The following PCID2 variants were observed in gnomAD, a reference collection of about 807,000 sequenced individuals.
PCID2 encodes PCI domain containing 2.
PCID2 carries 41 observed loss-of-function variants against 61.3 expected under a neutral mutation model. The ratio of observed to expected loss-of-function variants is 0.67; its 90% CI spans 0.52 to 0.87. PCID2 has a LOEUF of 0.87. Ranked by LOEUF, PCID2 falls within the 40% of genes least tolerant of loss-of-function variation. PCID2 has a pLI of 0.00. For missense variants in PCID2, 392 were observed against 493.4 expected (o/e 0.79, Z 1.95); for synonymous variants, 187 against 177.8 (o/e 1.05, Z -0.41).
At chr13:113,206,474 G>C (rs1308375640) in intron 1 of PCID2, among the ~76,000 whole-genome samples, 1 of 152,148 alleles carries the variant, frequency 6.6e-6, no homozygotes. Context: ...ATCCAATTAG[G>C]TAAAGGACTA....
chr13:113,187,724 T>C (rs1055985535), intron 7 of PCID2: 2 of 152,238 alleles, frequency 1.3e-5, no homozygotes, highest in Non-Finnish European at 2.9e-5. Flanking sequence ...TGAATTGTAA[T>C]AATTCTTTAT....
At chr13:113,175,693 G>C (rs1365852475), downstream of PCID2, among the ~76,000 whole-genome samples, 1 of 152,238 alleles carries the variant, frequency 6.6e-6, no homozygotes, top group Non-Finnish European at 1.5e-5. Flanking sequence ...TGCTGCTGGG[G>C]AGCAGCTACG....
Position 113,198,197 on chromosome 13 carries a change from T to A in PCID2, c.194A>T (p.His65Leu). The A allele has an allele frequency of 6.2e-7, 1 of 1,600,302 alleles. No individual in the cohort carries two copies. Among genetic ancestry groups the A allele is most frequent in the Non-Finnish European group, 8.5e-7 (1 of 1,172,052 alleles). The part of the protein sequence containing the change: ...EPPYDEMFAA[H>L]LRCTYAVGNH... ...TTCCTCCCCAACAGATTACCTTAAA[T>A]GAGCTGCAAACATTTCATCATAAGG... The change falls in exon 3 of 14, where the codon CAT becomes CTT. Residue 65 changes from histidine (H) to leucine (L), a missense_variant. Transcript: ENST00000337344.
chr13:113,190,206 C>A (rs2038489458), intron 7 of PCID2, among the ~76,000 whole-genome samples: 1 of 146,304 alleles, frequency 6.8e-6, no homozygotes, highest in Admixed American at 6.9e-5. Flanking sequence ...ACAGGAAGCC[C>A]AATGAACCCT....
chr13:113,165,600 G>A, the PCID2 span, among the ~76,000 whole-genome samples: 7 of 152,120 alleles, frequency 4.6e-5, no homozygotes, highest in East Asian at 1.9e-4. Context: ...GTCCAGTCCC[G>A]GCTCACTGCA....
Position 113,179,887 on chromosome 13 carries a change from G to A in PCID2, c.986+30C>T, listed in dbSNP as rs781112883. Reference sequence around the variant, plus strand: ...TGACTGCTCTGCCGAGAGCCACACTGGGAGCCCAATGTGCCGGGGAAATGC... The same window carrying A: ...TGACTGCTCTGCCGAGAGCCACACTAGGAGCCCAATGTGCCGGGGAAATGC... On this transcript the variant is annotated intron_variant, in intron 12 of 13. Coordinates refer to ENST00000337344, the MANE Select transcript of PCID2 (RefSeq NM_001127202.4). This position sits in a 1 kb window ranked among gnomAD's most constrained non-coding sequence, Gnocchi z 4.3. 1 of 1,600,920 alleles carries A rather than the reference G, an allele frequency of 6.2e-7. No homozygotes were observed. Among genetic ancestry groups the A allele is most frequent in the Admixed American group, 1.7e-5 (1 of 58,470 alleles).
At chr13:113,174,766 G>A (rs1483077709), downstream of PCID2, among the ~76,000 whole-genome samples, 1 of 152,200 alleles carries the variant, frequency 6.6e-6, no homozygotes, top group African/African-American at 2.4e-5. Context: ...TCATAAATGT[G>A]AGCCACCACG....
chr13:113,208,183 G>A lies in PCID2; in HGVS notation c.36+416C>T, dbSNP rs574263584. ...GCGCTTACTCCTCCATCGCCTCCTG[G>A]AGTCCCCGAATTCATCCCGCATCCT... On this transcript the variant is annotated intron_variant, in intron 1 of 13. Coordinates refer to ENST00000337344, the MANE Select transcript of PCID2 (RefSeq NM_001127202.4). The A allele has an allele frequency of 3.8e-6, 6 of 1,575,274 alleles. No homozygotes were observed. In the Admixed American group the frequency reaches 1.0e-4, roughly 27 times the overall value.
At chr13:113,187,274 C>T (rs2038201194) in intron 7 of PCID2, 1 of 152,220 alleles carries the variant, frequency 6.6e-6, no homozygotes, top group Non-Finnish European at 1.5e-5. Flanking sequence ...GAGACTGTGA[C>T]AAAAGCAAAC....
intron 1 of PCID2, among the ~76,000 whole-genome samples, chr13:113,204,511 T>C (rs2039658543): frequency 6.6e-6 from 1 of 152,074 alleles, no homozygotes; most frequent in African/African-American, 2.4e-5. Flanking sequence ...CCTCCCAGGG[T>C]GGTCCCTGCA....
At chr13:113,185,668 C>G (rs1403867826) in intron 7 of PCID2, 108 bp from the exon 8 acceptor site, 1 of 681,782 alleles carries the variant, frequency 1.5e-6, no homozygotes, top group Admixed American at 2.6e-5. Context: ...AGTCCCAAAG[C>G]TCAAGTCATA....
At position 113,190,960 on chromosome 13, in the gene PCID2, C is replaced by G. The variant is rs1007468287; in HGVS notation, c.379G>C (p.Val127Leu). ...CCAACTTTGCTTTTTCCTTTCTTTA[C>G]CAACTGTTGATCTGCCTAATAAAAT... is the stretch of plus-strand genomic sequence containing the variant. ...VFANNADQQL[V>L]KKGKSKVGDM... The change falls in exon 7 of 14, where the codon GTA (valine) becomes CTA (leucine). Residue 127 changes from valine to leucine, a missense_variant. By Grantham distance (32) the Val-to-Leu change is conservative. Transcript: ENST00000337344. 3.7e-6 allele frequency: 6 copies of G among 1,611,546 alleles called. No individual in the cohort carries two copies. Among genetic ancestry groups the G allele is most frequent in the Non-Finnish European group, 5.1e-6 (6 of 1,177,806 alleles).
rs147695145 is a variant in PCID2, at chr13:113,179,644, G to A, written c.986+273C>T. ...GTGTGCTCTGATGAAATGTGGTACCGCGGCTCTCAGGGCTGATGTTCTCAA... is the reference window on the plus strand; with the variant it reads ...GTGTGCTCTGATGAAATGTGGTACCACGGCTCTCAGGGCTGATGTTCTCAA... On this transcript the variant is annotated intron_variant, in intron 12 of 13. Coordinates refer to ENST00000337344, the MANE Select transcript of PCID2 (RefSeq NM_001127202.4). This position sits in a 1 kb window ranked among gnomAD's most constrained non-coding sequence, Gnocchi z 4.3. Among the ~76,000 whole-genome samples, 122 of 152,294 alleles carry A rather than the reference G, an allele frequency of 8.0e-4. 1 individual carries two copies. In the East Asian group the frequency reaches 0.022, roughly 28 times the overall value.
Position 113,183,737 on chromosome 13 carries a change from C to T in PCID2, c.685+609G>A, listed in dbSNP as rs554532104. On this transcript the variant is annotated intron_variant, in intron 9 of 13. Transcript: ENST00000337344. The stretch of plus-strand genomic sequence containing the variant: ...TCACCAAGAATGATGCCGTGACAGC[C>T]GATAAAAATTACAAAAAGAAGACTA... 2,482 of 983,072 alleles carry T rather than the reference C, an allele frequency of 2.5e-3. 5 individuals are homozygous for T. Among genetic ancestry groups the T allele is most frequent in the Non-Finnish European group, 2.8e-3 (2,323 of 827,866 alleles). 60.9% of individuals were successfully genotyped at this position (983,072 alleles called of 1,614,324 possible). A position where few individuals can be genotyped will look rare whatever the true frequency, so the allele number is the denominator to read the frequency against.
chr13:113,189,738 T>C (rs1017566272), intron 7 of PCID2, among the ~76,000 whole-genome samples: 2 of 145,516 alleles, frequency 1.4e-5, no homozygotes, highest in African/African-American at 5.0e-5. Flanking sequence ...AAAAAAGGAT[T>C]GAGGTCAGGT....
At chr13:113,180,692 T>C (rs1431249300) in intron 10 of PCID2, among the ~76,000 whole-genome samples, 2 of 152,190 alleles carry the variant, frequency 1.3e-5, no homozygotes, top group African/African-American at 2.4e-5. Flanking sequence ...GTGCAATGCT[T>C]TTCTCATTAG....
chr13:113,194,558 A>C (rs1168893356), intron 6 of PCID2, among the ~76,000 whole-genome samples: 2 of 152,082 alleles, frequency 1.3e-5, no homozygotes, highest in Non-Finnish European at 2.9e-5. Context: ...ATCATTTCTA[A>C]AACTGTAAAG....
intron 1 of PCID2, among the ~76,000 whole-genome samples, chr13:113,207,157 G>A (rs2039930670): frequency 6.6e-6 from 1 of 152,218 alleles, no homozygotes; most frequent in Non-Finnish European, 1.5e-5. Flanking sequence ...TAAGTTGTAT[G>A]TGTTCTCATA....
chr13:113,174,935 C>G (rs748227802), downstream of PCID2, among the ~76,000 whole-genome samples: 1 of 152,328 alleles, frequency 6.6e-6, no homozygotes, highest in Middle Eastern at 3.4e-3. Context: ...CTTGACTTTG[C>G]GTCTCCACCC....
Sources: allele counts gnomAD v4.1 joint callset (sites outside exome capture counted in the v4.1 genomes callset), GRCh38; gene constraint gnomAD v4.1.1; non-coding constraint Gnocchi (gnomAD v3.1); transcripts MANE v1.5; gene names NCBI Gene and HGNC (gene_info 2026-07-23, HGNC 2026-07-21).